The following SLC25A12 variants were observed in gnomAD, a reference collection of about 807,000 sequenced individuals.
The protein encoded by SLC25A12 is solute carrier family 25 member 12, also known as electrogenic aspartate/glutamate antiporter SLC25A12, mitochondrial.
Under a neutral mutation model 83.3 loss-of-function variants are expected in SLC25A12, and 32 were observed. The ratio of observed to expected loss-of-function variants is 0.38; its 90% CI spans 0.29 to 0.52. SLC25A12 has a LOEUF of 0.52. SLC25A12 is among the 20% of genes least tolerant of loss of function. The pLI is 0.84. For synonymous variants in SLC25A12, 267 were observed against 291.1 expected, an observed-to-expected ratio of 0.92 and a Z score of 0.84; for missense variants, 611 against 835.6, an observed-to-expected ratio of 0.73 and a Z score of 3.31.
intron 2 of SLC25A12, among the ~76,000 whole-genome samples, chr2:171,887,228 A>G (rs1033956835): frequency 6.6e-6 from 1 of 152,266 alleles, no homozygotes; most frequent in African/African-American, 2.4e-5. Flanking sequence ...CTTTACATTA[A>G]CAGTATCTTC....
intron 13 of SLC25A12, among the ~76,000 whole-genome samples, chr2:171,805,377 C>G (rs1048409026): frequency 1.3e-5 from 2 of 152,164 alleles, no homozygotes; most frequent in African/African-American, 4.8e-5. Flanking sequence ...TCCCAAAGTA[C>G]TGGGATTACA....
intron 9 of SLC25A12, among the ~76,000 whole-genome samples, chr2:171,815,403 T>C (rs569328587): frequency 1.3e-5 from 2 of 152,200 alleles, no homozygotes; most frequent in Non-Finnish European, 2.9e-5. Flanking sequence ...TAGATAACTC[T>C]ATTGTCAGCA....
At chr2:171,868,504 G>T (rs1328650227) in intron 3 of SLC25A12, among the ~76,000 whole-genome samples, 177 bp downstream of exon 3, 2 of 151,868 alleles carry the variant, frequency 1.3e-5, no homozygotes, top group Non-Finnish European at 2.9e-5. Context: ...AGTAGAGACA[G>T]GGTTTCTCCA....
intron 2 of SLC25A12, among the ~76,000 whole-genome samples, chr2:171,882,850 G>A (rs552397824): frequency 2.0e-5 from 3 of 152,138 alleles, no homozygotes; most frequent in Non-Finnish European, 4.4e-5. Flanking sequence ...ATTTTTTCAA[G>A]TCTGTGTCTT....
intron 4 of SLC25A12, chr2:171,845,876 C>T (rs1328864689): frequency 2.2e-6 from 1 of 452,544 alleles, no homozygotes; most frequent in South Asian, 1.6e-5. Context: ...GGGACAAATA[C>T]TTCAAAGTTT....
At chr2:171,865,597 G>A (rs1179132182) in intron 3 of SLC25A12, among the ~76,000 whole-genome samples, 2 of 151,898 alleles carry the variant, frequency 1.3e-5, no homozygotes, top group African/African-American at 4.8e-5. Context: ...GGAGGTGGAG[G>A]TTGCAGTGAG....
chr2:171,837,258 A>G lies in SLC25A12; in HGVS notation c.475T>C (p.Leu159=). The G allele has an allele frequency of 3.1e-6, 5 of 1,614,064 alleles. No individual in the cohort carries two copies. Among genetic ancestry groups the G allele is most frequent in the Non-Finnish European group, 4.2e-6 (5 of 1,179,956 alleles). ...EFTQFLQELQ[L]EHARQAFALK... ...GCAAAGGCTTGTCTTGCATGTTCCA[A>G]TTGCAGCTCCTGTGAGGAAATTAGA... Residue 159 remains leucine, a synonymous_variant, in exon 6 of 18, where the codon TTG becomes CTG. Coordinates refer to ENST00000422440, the MANE Select transcript of SLC25A12 (RefSeq NM_003705.5).
At chr2:171,837,717 T>C (rs1253142525) in intron 5 of SLC25A12, among the ~76,000 whole-genome samples, 2 of 152,140 alleles carry the variant, frequency 1.3e-5, no homozygotes, top group Middle Eastern at 3.2e-3. Flanking sequence ...GCAATCAAAG[T>C]CTCTCTCTCT....
At chr2:171,863,291 C>T (rs556108773) in intron 3 of SLC25A12, among the ~76,000 whole-genome samples, 3 of 152,118 alleles carry the variant, frequency 2.0e-5, no homozygotes, top group African/African-American at 4.8e-5. Context: ...TTTGGGAGAC[C>T]GAGGCGGGCA....
chr2:171,816,088 C>T (rs1181149967), intron 9 of SLC25A12, among the ~76,000 whole-genome samples: 45 of 113,190 alleles, frequency 4.0e-4, no homozygotes, highest in African/African-American at 1.5e-3. Flanking sequence ...TTTTTGGAGA[C>T]AGGGTTTCAC....
At chr2:171,851,704 T>C (rs1310799599) in intron 4 of SLC25A12, among the ~76,000 whole-genome samples, 1 of 152,060 alleles carries the variant, frequency 6.6e-6, no homozygotes, top group Non-Finnish European at 1.5e-5. Context: ...CCGGCTAATT[T>C]TTGTGTTTTT....
intron 2 of SLC25A12, among the ~76,000 whole-genome samples, chr2:171,874,506 G>A (rs1403805560): frequency 6.6e-6 from 1 of 152,194 alleles, no homozygotes; most frequent in South Asian, 2.1e-4. Context: ...TGATAAAAGA[G>A]GGGGGAGCAC....
At chr2:171,817,993 T>C (rs957056862) in intron 9 of SLC25A12, among the ~76,000 whole-genome samples, 5 of 152,212 alleles carry the variant, frequency 3.3e-5, no homozygotes, top group Non-Finnish European at 7.3e-5. Flanking sequence ...GACAGAAATG[T>C]CACCTTCACC....
chr2:171,833,675 C>T, intron 8 of SLC25A12, among the ~76,000 whole-genome samples: 1 of 152,074 alleles, frequency 6.6e-6, no homozygotes. Context: ...ATTCCTATCT[C>T]ACCTCACTCC....
At chr2:171,848,873 T>C (rs1285526209) in intron 4 of SLC25A12, among the ~76,000 whole-genome samples, 1 of 152,182 alleles carries the variant, frequency 6.6e-6, no homozygotes, top group Admixed American at 6.6e-5. Context: ...AAGGTCCATT[T>C]CTCAGGAAAG....
intron 3 of SLC25A12, among the ~76,000 whole-genome samples, chr2:171,858,549 C>T (rs1685090288): frequency 6.6e-6 from 1 of 152,174 alleles, no homozygotes; most frequent in African/African-American, 2.4e-5. Flanking sequence ...CCTTAACTAG[C>T]AAAGGTCACA....
chr2:171,793,122 TG>T lies in SLC25A12; in HGVS notation c.1446+504del, dbSNP rs1342034939. On this transcript the variant is annotated intron_variant, in intron 14 of 17. Coordinates refer to ENST00000422440, the MANE Select transcript of SLC25A12 (RefSeq NM_003705.5). ...AGTACAGTACACTCTGTTGTTGGTT[TG>T]TTTTTTTTTTTTTTAATGGAATTCA... Among the ~76,000 whole-genome samples, 144 of 151,648 alleles carry T rather than the reference TG, an allele frequency of 9.5e-4. 1 individual carries two copies. The highest frequency in any genetic ancestry group is 3.2e-3 in the African/African-American group (133 of 41,374).
chr2:171,880,466 C>T (rs555120700), intron 2 of SLC25A12, among the ~76,000 whole-genome samples: 18 of 152,040 alleles, frequency 1.2e-4, no homozygotes, highest in African/African-American at 3.6e-4. Flanking sequence ...TTAGTAGAGG[C>T]GGGGTTTTAC....
intron 3 of SLC25A12, among the ~76,000 whole-genome samples, chr2:171,856,410 T>C (rs1297587579): frequency 6.6e-6 from 1 of 152,158 alleles, no homozygotes; most frequent in Admixed American, 6.6e-5. Flanking sequence ...TTGCCAAATA[T>C]ACCCTGGTGA....
Sources: gnomAD v4.1 joint callset for allele counts (sites outside exome capture counted in the v4.1 genomes callset) on GRCh38, gnomAD v4.1.1 for gene constraint, MANE v1.5 for transcripts, NCBI Gene and HGNC (gene_info 2026-07-23, HGNC 2026-07-21) for gene names.